TEK: variants seen among roughly 807,000 people sequenced by gnomAD.
TEK encodes angiopoietin-1 receptor.
In TEK, 43 loss-of-function variants were observed where a neutral mutation model predicts 131.8. The ratio of observed to expected loss-of-function variants is 0.33; its 90% CI spans 0.26 to 0.42. TEK has a LOEUF of 0.42. TEK is among the 10% of genes least tolerant of loss of function. The probability of loss-of-function intolerance (pLI) is 1.00; values close to 1 mark genes in which losing one functional copy is unlikely to be tolerated. For synonymous variants in TEK, 580 were observed against 491.6 expected (o/e 1.18, Z -2.38); for missense variants, 1,162 against 1,384.4 (o/e 0.84, Z 2.55).
intron 14 of TEK, 61 bp from the exon 15 acceptor site, chr9:27,206,521 T>G: frequency 6.5e-7 from 1 of 1,538,866 alleles, no homozygotes; most frequent in Non-Finnish European, 8.9e-7. Context: ...CCAGAAGACA[T>G]TATGCCCCTT....
In TEK at chr9:27,180,338, G is replaced by A. The variant is rs1236494921; in HGVS notation, c.1000G>A (p.Gly334Arg). ...DRFQGCLCSP[G>R]WQGLQCEREG... ...CTTCCAAGGATGTCTCTGCTCTCCA[G>A]GATGGCAGGGGCTCCAGTGTGAGAG... Residue 334 changes from glycine to arginine, a missense_variant, in exon 7 of 23, where the codon GGA becomes AGA. Coordinates refer to ENST00000380036, the MANE Select transcript of TEK (RefSeq NM_000459.5). The A allele has an allele frequency of 6.2e-7, 1 of 1,613,652 alleles. No homozygotes were observed. Among genetic ancestry groups the A allele is most frequent in the Admixed American group, 1.7e-5 (1 of 59,940 alleles).
chr9:27,202,188 ATTCCAC>A (rs1408584493), intron 12 of TEK, among the ~76,000 whole-genome samples: 1 of 152,180 alleles, frequency 6.6e-6, no homozygotes, highest in African/African-American at 2.4e-5. Flanking sequence ...ATGGAATGTG[ATTCCAC>A]TTTTCCCCAA....
At position 27,193,766 on chromosome 9, in the gene TEK, A is replaced by G. The variant is rs142371384; in HGVS notation, c.1624+1143A>G. ...GAAAAGTAGAGACTCAGAGTACTTA[A>G]TAACAGTAAGATGCATCACCATACT... On this transcript the variant is annotated intron_variant, in intron 11 of 22. Transcript: ENST00000380036. 1.7e-3 allele frequency among the ~76,000 whole-genome samples: 263 copies of G among 152,306 alleles called. 4 individuals carry two copies. Among genetic ancestry groups the G allele is most frequent in the Admixed American group, 0.014 (221 of 15,298 alleles).
At chr9:27,121,692 GTTAAT>G (rs1056413262) in intron 1 of TEK, among the ~76,000 whole-genome samples, 2 of 152,018 alleles carry the variant, frequency 1.3e-5, no homozygotes, top group Non-Finnish European at 2.9e-5. Context: ...AAGAAAAAAA[GTTAAT>G]TTAAATATAA....
intron 1 of TEK, among the ~76,000 whole-genome samples, chr9:27,122,919 G>A (rs1376176435): frequency 6.6e-6 from 1 of 151,806 alleles, no homozygotes; most frequent in Non-Finnish European, 1.5e-5. Flanking sequence ...CAGGCGTGGT[G>A]GCATATGCCT....
rs145360781 is a variant in TEK, at chr9:27,115,314, C to T, written c.52+5672C>T. Among the ~76,000 whole-genome samples the T allele has an allele frequency of 3.7e-3, 560 of 152,084 alleles. 4 individuals are homozygous for T. Among genetic ancestry groups the T allele is most frequent in the African/African-American group, 0.013 (533 of 41,488 alleles). On this transcript the variant is annotated intron_variant, in intron 1 of 22. Transcript: ENST00000380036. ...AGGAGTTTCAGATCAGCCTGGGCAA[C>T]GTGGCAAAACCCCATCTCTACAAAA... is the stretch of plus-strand genomic sequence containing the variant.
intron 1 of TEK, 50 bp from the exon 2 acceptor site, chr9:27,157,781 G>A: frequency 6.3e-7 from 1 of 1,595,256 alleles, no homozygotes; most frequent in Non-Finnish European, 8.6e-7. Flanking sequence ...TACCCAATGG[G>A]GTCATGTTAA....
chr9:27,138,975 C>T (rs572184495), intron 1 of TEK, among the ~76,000 whole-genome samples: 8 of 151,902 alleles, frequency 5.3e-5, no homozygotes, highest in East Asian at 3.9e-4. Context: ...TTTGGGAGGC[C>T]GAGGTGGGTG....
intron 7 of TEK, 24 bp from the exon 8 acceptor site, chr9:27,183,435 C>T (rs747123814): frequency 1.6e-5 from 25 of 1,611,268 alleles, no homozygotes; most frequent in Non-Finnish European, 2.0e-5. Flanking sequence ...TATTAGATTT[C>T]ACAGTGCTGT....
At chr9:27,184,537 TCAAA>T (rs2131172280) in intron 8 of TEK, among the ~76,000 whole-genome samples, 1 of 152,300 alleles carries the variant, frequency 6.6e-6, no homozygotes, top group East Asian at 1.9e-4. Context: ...CTGATTCCAC[TCAAA>T]CAACCCATCA....
chr9:27,147,862 T>G (rs901641067), intron 1 of TEK, among the ~76,000 whole-genome samples: 1 of 152,246 alleles, frequency 6.6e-6, no homozygotes, highest in Non-Finnish European at 1.5e-5. Context: ...ATTTTTGACG[T>G]GAGATGGTGT....
intron 11 of TEK, 129 bp downstream of exon 11, chr9:27,192,752 G>T: frequency 1.1e-6 from 1 of 921,006 alleles, no homozygotes; most frequent in South Asian, 1.4e-5. Context: ...GCAGGAGTTC[G>T]CTTTTGAATG....
chr9:27,113,349 G>A (rs918567080), intron 1 of TEK, among the ~76,000 whole-genome samples: 1 of 152,234 alleles, frequency 6.6e-6, no homozygotes, highest in East Asian at 1.9e-4. Context: ...ACAGCACTTT[G>A]GGAGGCCCAG....
chr9:27,148,333 A>G (rs1275951854), intron 1 of TEK, among the ~76,000 whole-genome samples: 2 of 152,232 alleles, frequency 1.3e-5, no homozygotes, highest in Non-Finnish European at 2.9e-5. Flanking sequence ...CATCTTTTCA[A>G]CTTTTCACAT....
chr9:27,169,369 C>G, intron 3 of TEK, 108 bp from the exon 4 acceptor site: 3 of 1,424,586 alleles, frequency 2.1e-6, no homozygotes, highest in Non-Finnish European at 3.0e-6. Context: ...TATGTGAGAG[C>G]ACATTTTCTT....
intron 6 of TEK, among the ~76,000 whole-genome samples, chr9:27,174,535 A>G (rs966160440): frequency 1.3e-5 from 2 of 152,204 alleles, no homozygotes; most frequent in African/African-American, 4.8e-5. Context: ...CCTTTTTCAT[A>G]GTAAGTCTTT....
intron 7 of TEK, among the ~76,000 whole-genome samples, chr9:27,180,968 C>T (rs1239502845): frequency 6.6e-6 from 1 of 152,056 alleles, no homozygotes; most frequent in African/African-American, 2.4e-5. Context: ...CAGAGCTATG[C>T]CATCATTGCC....
chr9:27,215,373 G>A (rs1182843950), intron 18 of TEK, among the ~76,000 whole-genome samples: 1 of 152,098 alleles, frequency 6.6e-6, no homozygotes, highest in Non-Finnish European at 1.5e-5. Context: ...TGCAAGAAAG[G>A]TGCAGTGTGG....
chr9:27,138,132 GT>G (rs1403349573), intron 1 of TEK, among the ~76,000 whole-genome samples: 17 of 152,352 alleles, frequency 1.1e-4, no homozygotes, highest in African/African-American at 4.1e-4. Flanking sequence ...CTCAGTGAGT[GT>G]TTCAGCTCAT....
Sources: allele counts gnomAD v4.1 joint callset (sites outside exome capture counted in the v4.1 genomes callset), GRCh38; gene constraint gnomAD v4.1.1; transcripts MANE v1.5; gene names NCBI Gene and HGNC (gene_info 2026-07-23, HGNC 2026-07-21).